Variants in ARHGAP22 observed in about 807,000 individuals in gnomAD.
ARHGAP22 encodes rho GTPase-activating protein 22.
A neutral mutation model predicts 59.1 loss-of-function variants in ARHGAP22; 48 were observed. That is an observed-to-expected ratio of 0.81 (90% CI 0.64 to 1.03). The LOEUF (loss-of-function observed/expected upper bound fraction) is 1.03, where lower values mean the gene tolerates loss of function less well. Ranked by LOEUF, ARHGAP22 falls within the 50% of genes least tolerant of loss-of-function variation. The pLI, the probability that ARHGAP22 is intolerant of heterozygous loss-of-function variation, is 0.00. For synonymous variants in ARHGAP22, 445 were observed against 416.4 expected, an observed-to-expected ratio of 1.07 and a Z score of -0.84; for missense variants, 1,015 against 958.7, an observed-to-expected ratio of 1.06 and a Z score of -0.78.
intron 1 of ARHGAP22, among the ~76,000 whole-genome samples, chr10:48,642,776 G>T (rs1307873126): frequency 1.3e-5 from 2 of 152,160 alleles, no homozygotes; most frequent in Admixed American, 6.5e-5. Flanking sequence ...CACAGCAAAA[G>T]AAACTACCGT....
At chr10:48,487,146 C>G (rs1255450341) in intron 3 of ARHGAP22, among the ~76,000 whole-genome samples, 1 of 152,148 alleles carries the variant, frequency 6.6e-6, no homozygotes, top group East Asian at 1.9e-4. Flanking sequence ...GTGTTTCCAT[C>G]CCCTGTCCCT....
intron 2 of ARHGAP22, among the ~76,000 whole-genome samples, chr10:48,562,236 A>T (rs1323316009): frequency 6.6e-6 from 1 of 151,420 alleles, no homozygotes; most frequent in East Asian, 1.9e-4. Context: ...AAAAAAAAAA[A>T]AGAAAAAAGA....
intron 1 of ARHGAP22, among the ~76,000 whole-genome samples, chr10:48,590,886 G>T (rs1490631486): frequency 6.6e-6 from 1 of 152,154 alleles, no homozygotes; most frequent in Non-Finnish European, 1.5e-5. Flanking sequence ...GGAAGGGATG[G>T]ACGTTCACAA....
chr10:48,431,151 C>T, the ARHGAP22 span: 1 of 1,332,576 alleles, frequency 7.5e-7, no homozygotes, highest in Non-Finnish European at 1.1e-6. Context: ...GAGATTGGCT[C>T]TTAGACTTTG....
intron 1 of ARHGAP22, among the ~76,000 whole-genome samples, chr10:48,642,318 C>T (rs1268295973): frequency 8.5e-5 from 13 of 152,252 alleles, no homozygotes; most frequent in South Asian, 2.1e-4. Flanking sequence ...GGAGGCATCA[C>T]GCTACCTGAC....
At chr10:48,523,867 G>T in intron 3 of ARHGAP22, among the ~76,000 whole-genome samples, 1 of 151,964 alleles carries the variant, frequency 6.6e-6, no homozygotes, top group East Asian at 1.9e-4. Flanking sequence ...CCCGCGCCCC[G>T]AGTGAAGGGG....
chr10:48,508,530 CA>C (rs2134487214), intron 3 of ARHGAP22, among the ~76,000 whole-genome samples: 1 of 152,360 alleles, frequency 6.6e-6, no homozygotes, highest in East Asian at 1.9e-4. Flanking sequence ...CCAGGACCAG[CA>C]AAGTCACCTC....
chr10:48,575,918 G>A (rs1416728693), intron 2 of ARHGAP22, among the ~76,000 whole-genome samples: 1 of 152,190 alleles, frequency 6.6e-6, no homozygotes, highest in Non-Finnish European at 1.5e-5. Context: ...TCTGCTTCCA[G>A]CCTGGTCCTG....
At chr10:48,645,662 G>A (rs1233994970) in intron 1 of ARHGAP22, among the ~76,000 whole-genome samples, 3 of 152,056 alleles carry the variant, frequency 2.0e-5, no homozygotes, top group Non-Finnish European at 4.4e-5. Context: ...GTGTTAAAGG[G>A]TATCTATGAC....
intron 4 of ARHGAP22, among the ~76,000 whole-genome samples, chr10:48,464,927 G>A (rs1434321298): frequency 6.6e-6 from 1 of 151,972 alleles, no homozygotes; most frequent in Non-Finnish European, 1.5e-5. Context: ...GCCAGGAGCT[G>A]TGAGGTCTCA....
chr10:48,570,911 T>A (rs1450528832), intron 2 of ARHGAP22, among the ~76,000 whole-genome samples: 1 of 152,186 alleles, frequency 6.6e-6, no homozygotes, highest in Non-Finnish European at 1.5e-5. Context: ...GTGCCCACAG[T>A]GGGACTTCTG....
chr10:48,628,505 T>G (rs2061524337), intron 1 of ARHGAP22, among the ~76,000 whole-genome samples: 1 of 152,106 alleles, frequency 6.6e-6, no homozygotes. Context: ...GGCACAGATG[T>G]CCACCATATG....
chr10:48,451,599 C>T, intron 8 of ARHGAP22: 1 of 700,218 alleles, frequency 1.4e-6, no homozygotes, highest in Non-Finnish European at 2.6e-6. Context: ...GGGAATAGAG[C>T]CATCTTTCCT....
intron 3 of ARHGAP22, among the ~76,000 whole-genome samples, chr10:48,533,178 GTTGTT>G (rs2055025126): frequency 7.4e-6 from 1 of 135,824 alleles, no homozygotes. Context: ...TCATTGTTCT[GTTGTT>G]TTTTTTTTTT....
chr10:48,559,187 G>C (rs1042145524), intron 2 of ARHGAP22, among the ~76,000 whole-genome samples: 3 of 152,206 alleles, frequency 2.0e-5, no homozygotes, highest in Non-Finnish European at 4.4e-5. Flanking sequence ...TTGTATCTCA[G>C]AAGGAACCAG....
chr10:48,456,349 CTGGGGCCCCTCCT>C (rs2046507107), intron 5 of ARHGAP22, among the ~76,000 whole-genome samples: 1 of 152,166 alleles, frequency 6.6e-6, no homozygotes, highest in South Asian at 2.1e-4. Flanking sequence ...ATCCATATAC[CTGGGGCCCCTCCT>C]TGCCTGAGGC....
the ARHGAP22 span, among the ~76,000 whole-genome samples, chr10:48,433,513 T>G: frequency 6.6e-6 from 1 of 152,178 alleles, no homozygotes; most frequent in Non-Finnish European, 1.5e-5. Context: ...TAATGGACCT[T>G]TCTTGGGTCT....
At chr10:48,531,103 G>A (rs1193600669) in intron 3 of ARHGAP22, among the ~76,000 whole-genome samples, 2 of 152,242 alleles carry the variant, frequency 1.3e-5, no homozygotes, top group Admixed American at 6.5e-5. Context: ...AAAAAGGAAC[G>A]AAATAATGGC....
intron 3 of ARHGAP22, among the ~76,000 whole-genome samples, chr10:48,526,632 G>A (rs917721665): frequency 6.6e-6 from 1 of 152,176 alleles, no homozygotes; most frequent in African/African-American, 2.4e-5. Flanking sequence ...AGCCCCTCGG[G>A]TGATTGTCCA....
Sources: allele counts gnomAD v4.1 joint callset (sites outside exome capture counted in the v4.1 genomes callset), GRCh38; gene constraint gnomAD v4.1.1; transcripts MANE v1.5; gene names NCBI Gene and HGNC (gene_info 2026-07-23, HGNC 2026-07-21).